KCNB2: variants seen among roughly 807,000 people sequenced by gnomAD.
KCNB2 encodes the protein potassium voltage-gated channel subfamily B member 2.
Under a neutral mutation model 61.5 loss-of-function variants are expected in KCNB2, and 15 were observed. The ratio of observed to expected loss-of-function variants is 0.24; its 90% confidence interval spans 0.16 to 0.38. The LOEUF is 0.38. KCNB2 is among the 10% of genes least tolerant of loss of function. KCNB2 has a pLI of 1.00. For missense variants in KCNB2, 828 were observed against 1,125.2 expected (o/e 0.74, Z 3.78); for synonymous variants, 457 against 446.0 (o/e 1.02, Z -0.31).
chr8:72,767,534 C>T (rs1484550472), intron 2 of KCNB2, among the ~76,000 whole-genome samples: 1 of 134,034 alleles, frequency 7.5e-6, no homozygotes, highest in Non-Finnish European at 1.6e-5. Context: ...TAAGGTTCAT[C>T]CATATTATAA....
intron 2 of KCNB2, among the ~76,000 whole-genome samples, chr8:72,847,973 A>T (rs974546203): frequency 6.6e-6 from 1 of 152,058 alleles, no homozygotes; most frequent in Non-Finnish European, 1.5e-5. Flanking sequence ...TCTCCCCCTA[A>T]ACACTCATTC....
intron 2 of KCNB2, among the ~76,000 whole-genome samples, chr8:72,594,459 G>A (rs1285644041): frequency 1.3e-5 from 2 of 152,126 alleles, no homozygotes; most frequent in Non-Finnish European, 2.9e-5. Flanking sequence ...GATTTGGTTG[G>A]GAATGTGTGG....
chr8:72,924,409 A>G (rs978947095), intron 2 of KCNB2, among the ~76,000 whole-genome samples: 5 of 152,282 alleles, frequency 3.3e-5, no homozygotes, highest in Non-Finnish European at 7.3e-5. Flanking sequence ...AGTGCCTCTC[A>G]AATTTAAATG....
chr8:72,663,439 A>C (rs1806412388), intron 2 of KCNB2, among the ~76,000 whole-genome samples: 1 of 152,192 alleles, frequency 6.6e-6, no homozygotes, highest in South Asian at 2.1e-4. Context: ...GGAGTTTTGC[A>C]CACTGCTTCG....
intron 2 of KCNB2, among the ~76,000 whole-genome samples, chr8:72,848,084 T>A (rs1043173605): frequency 6.6e-6 from 1 of 152,232 alleles, no homozygotes; most frequent in African/African-American, 2.4e-5. Flanking sequence ...GTTTCTGGCA[T>A]GAATCCTAAA....
rs541137376 is a variant in KCNB2, at chr8:72,566,167, G to A, written c.-93-1475G>A. Among the ~76,000 whole-genome samples, 5 of 152,236 alleles carry A rather than the reference G, an allele frequency of 3.3e-5. No homozygotes were observed. The South Asian group carries it at 8.3e-4, about 25-fold the overall frequency. Reference sequence around the variant, plus strand: ...TGGGATTGCTGGAATATAATGATGAGGGAAAGATGAAAAGTGAAGGTGGAG... The same window carrying A: ...TGGGATTGCTGGAATATAATGATGAAGGAAAGATGAAAAGTGAAGGTGGAG... On this transcript the variant is annotated intron_variant, in intron 1 of 2. Transcript: ENST00000523207.
At chr8:72,715,491 C>T (rs1254345233) in intron 2 of KCNB2, among the ~76,000 whole-genome samples, 1 of 150,466 alleles carries the variant, frequency 6.6e-6, no homozygotes, top group South Asian at 2.1e-4. Context: ...CAAACTAGAA[C>T]TCAGGATTAA....
intron 2 of KCNB2, among the ~76,000 whole-genome samples, chr8:72,652,367 G>A (rs905888255): frequency 6.6e-6 from 1 of 152,002 alleles, no homozygotes; most frequent in South Asian, 2.1e-4. Flanking sequence ...ACCATCGTCC[G>A]ATGTCTAGAC....
At position 72,546,798 on chromosome 8, in the gene KCNB2, A is replaced by AT. The variant is rs567017874; in HGVS notation, c.-94+8920dup. Among the ~76,000 whole-genome samples the AT allele has an allele frequency of 4.0e-3, 601 of 152,124 alleles. 5 individuals are homozygous for AT. The highest frequency in any genetic ancestry group is 0.014 in the African/African-American group (564 of 41,490). On this transcript the variant is annotated intron_variant, in intron 1 of 2. Transcript: ENST00000523207. ...AGGCATGCACCACAACACCTGGATA[A>AT]TTTTTTTATTGAAAATTTCTTTAAT...
At position 72,745,407 on chromosome 8, in the gene KCNB2, C is replaced by A. The variant is rs192164067; in HGVS notation, c.579+177094C>A. Among the ~76,000 whole-genome samples the A allele has an allele frequency of 2.8e-4, 43 of 152,218 alleles. No homozygotes were observed. In the East Asian group the frequency reaches 7.2e-3, roughly 25 times the overall value. Reference sequence around the variant, plus strand: ...CCCCAGAGCCACGCTCACTCATGACCAACTGGCCACAAATTCAGGCATTCC... The same window carrying A: ...CCCCAGAGCCACGCTCACTCATGACAAACTGGCCACAAATTCAGGCATTCC... On this transcript the variant is annotated intron_variant, in intron 2 of 2. Transcript: ENST00000523207.
At chr8:72,776,617 C>T (rs1208275893) in intron 2 of KCNB2, among the ~76,000 whole-genome samples, 3 of 152,120 alleles carry the variant, frequency 2.0e-5, no homozygotes, top group African/African-American at 7.2e-5. Context: ...TAACAAGTCT[C>T]CTTTACACAC....
At chr8:72,817,295 G>T (rs926370385) in intron 2 of KCNB2, among the ~76,000 whole-genome samples, 1 of 151,960 alleles carries the variant, frequency 6.6e-6, no homozygotes, top group Non-Finnish European at 1.5e-5. Context: ...TCCCCTTCTC[G>T]CCGTACACCC....
intron 2 of KCNB2, among the ~76,000 whole-genome samples, chr8:72,885,575 C>T (rs1457643820): frequency 2.6e-5 from 4 of 152,116 alleles, no homozygotes; most frequent in African/African-American, 9.7e-5. Context: ...TAGTATTAAA[C>T]ATTGGCAGAA....
chr8:72,658,105 G>GA, intron 2 of KCNB2, among the ~76,000 whole-genome samples: 1 of 152,204 alleles, frequency 6.6e-6, no homozygotes, highest in East Asian at 1.9e-4. Context: ...TCACAAACTA[G>GA]AAATGATTAA....
intron 1 of KCNB2, among the ~76,000 whole-genome samples, chr8:72,566,196 AGGCT>A (rs1206393865): frequency 6.6e-6 from 1 of 152,186 alleles, no homozygotes; most frequent in Non-Finnish European, 1.5e-5. Context: ...GGTGGAGAGG[AGGCT>A]GGACCTACTA....
Position 72,651,790 on chromosome 8 carries a change from G to C in KCNB2, c.579+83477G>C, listed in dbSNP as rs185439417. Among the ~76,000 whole-genome samples the C allele has an allele frequency of 3.6e-4, 55 of 152,036 alleles. 1 individual carries two copies. The East Asian group carries it at 0.011, about 29-fold the overall frequency. Reference sequence around the variant, plus strand: ...TATCATTTCATGATACAATAACATTGAAACTGAGCATATCAGAAATTAACC... The same window carrying C: ...TATCATTTCATGATACAATAACATTCAAACTGAGCATATCAGAAATTAACC... On this transcript the variant is annotated intron_variant, in intron 2 of 2. Transcript: ENST00000523207.
intron 2 of KCNB2, among the ~76,000 whole-genome samples, chr8:72,576,216 C>A (rs1806792175): frequency 6.6e-6 from 1 of 152,092 alleles, no homozygotes; most frequent in African/African-American, 2.4e-5. Context: ...TGAGAATAAC[C>A]CCAGAGTTCC....
At chr8:72,615,904 T>C (rs935137022) in intron 2 of KCNB2, among the ~76,000 whole-genome samples, 2 of 152,206 alleles carry the variant, frequency 1.3e-5, no homozygotes, top group African/African-American at 4.8e-5. Context: ...CTTGCTTTGA[T>C]AAGTTTTGTA....
intron 2 of KCNB2, among the ~76,000 whole-genome samples, chr8:72,632,139 G>C (rs780020178): frequency 1.3e-5 from 2 of 151,956 alleles, no homozygotes; most frequent in Non-Finnish European, 2.9e-5. Context: ...CCAGCTACTT[G>C]AGAAGCTAAG....
Sources: gnomAD v4.1 joint callset for allele counts (sites outside exome capture counted in the v4.1 genomes callset) on GRCh38, gnomAD v4.1.1 for gene constraint, MANE v1.5 for transcripts, NCBI Gene and HGNC (gene_info 2026-07-23, HGNC 2026-07-21) for gene names.